DPYD: variants seen among roughly 807,000 people sequenced by gnomAD.
DPYD encodes dihydropyrimidine dehydrogenase [NADP(+)].
In DPYD, 109 loss-of-function variants were observed where a neutral mutation model predicts 116.2. The ratio of observed to expected loss-of-function variants is 0.94; its 90% confidence interval spans 0.80 to 1.10. The LOEUF (loss-of-function observed/expected upper bound fraction) is 1.10. DPYD is among the 50% of genes least tolerant of loss of function. DPYD has a pLI of 0.00. For missense variants in DPYD, 1,302 were observed against 1,254.5 expected, an observed-to-expected ratio of 1.04 and a Z score of -0.57; for synonymous variants, 440 against 432.0, an observed-to-expected ratio of 1.02 and a Z score of -0.23.
chr1:97,225,668 G>T (rs1661106815), intron 19 of DPYD, among the ~76,000 whole-genome samples: 1 of 150,306 alleles, frequency 6.7e-6, no homozygotes, highest in South Asian at 2.1e-4. Flanking sequence ...TCCATAGGAA[G>T]TCTTTTCATC....
intron 13 of DPYD, among the ~76,000 whole-genome samples, chr1:97,454,951 T>A (rs2101806262): frequency 6.6e-6 from 1 of 152,016 alleles, no homozygotes; most frequent in South Asian, 2.1e-4. Context: ...AGTGGATGAA[T>A]TTTATAAACA....
intron 8 of DPYD, among the ~76,000 whole-genome samples, chr1:97,648,989 T>C (rs1242653905): frequency 6.6e-6 from 1 of 152,004 alleles, no homozygotes; most frequent in African/African-American, 2.4e-5. Flanking sequence ...ACCCAGATCT[T>C]AATTTTGTTT....
At chr1:97,403,469 TGTTA>T (rs1224974871) in intron 14 of DPYD, among the ~76,000 whole-genome samples, 1 of 152,058 alleles carries the variant, frequency 6.6e-6, no homozygotes, top group Admixed American at 6.6e-5. Flanking sequence ...TTTGGAAGGT[TGTTA>T]ATTATTGATT....
chr1:97,121,095 T>C (rs1652395963), intron 20 of DPYD, among the ~76,000 whole-genome samples: 1 of 152,154 alleles, frequency 6.6e-6, no homozygotes, highest in Non-Finnish European at 1.5e-5. Flanking sequence ...CTTAATTTAC[T>C]CTGGGAATGA....
At position 97,767,755 on chromosome 1, in the gene DPYD, C is replaced by CTTTT. The variant is rs34390188; in HGVS notation, c.234-27280_234-27277dup. On this transcript the variant is annotated intron_variant, in intron 3 of 22. Coordinates refer to ENST00000370192, the MANE Select transcript of DPYD (RefSeq NM_000110.4). ...TTGAAGCCACTGAGTTTGGGGCTGG[C>CTTTT]TTTTTTTTTTTTTTTTTTTTGCAGC... 2.4e-3 allele frequency among the ~76,000 whole-genome samples: 270 copies of CTTTT among 112,428 alleles called. 1 individual carries two copies. Among genetic ancestry groups the CTTTT allele is most frequent in the Admixed American group, 2.9e-3 (30 of 10,420 alleles). The allele number at this position is 112,428 out of a possible 152,430, so 73.8% of individuals were successfully genotyped here. A position where few individuals can be genotyped will look rare whatever the true frequency, so the allele number is the denominator to read the frequency against.
At chr1:97,821,919 A>G (rs564672308) in intron 3 of DPYD, among the ~76,000 whole-genome samples, 12 of 152,134 alleles carry the variant, frequency 7.9e-5, no homozygotes, top group Non-Finnish European at 1.5e-4. Context: ...TTTAAATCCC[A>G]TTTTACAAAA....
At chr1:97,736,183 C>T (rs1663930818) in intron 4 of DPYD, among the ~76,000 whole-genome samples, 1 of 151,812 alleles carries the variant, frequency 6.6e-6, no homozygotes, top group Admixed American at 6.6e-5. Flanking sequence ...AACAGCACCC[C>T]AAAGGCATAT....
intron 13 of DPYD, among the ~76,000 whole-genome samples, chr1:97,495,473 A>G (rs938251509): frequency 6.6e-6 from 1 of 152,130 alleles, no homozygotes; most frequent in African/African-American, 2.4e-5. Flanking sequence ...TGTGAACTCA[A>G]TGTTTTAATA....
chr1:97,624,793 A>T (rs570396947), intron 8 of DPYD, among the ~76,000 whole-genome samples: 1 of 152,142 alleles, frequency 6.6e-6, no homozygotes, highest in African/African-American at 2.4e-5. Flanking sequence ...AAAAAAGGGA[A>T]ATTTTATTAT....
At chr1:97,096,697 C>T (rs1476096512) in intron 21 of DPYD, among the ~76,000 whole-genome samples, 1 of 152,006 alleles carries the variant, frequency 6.6e-6, no homozygotes, top group African/African-American at 2.4e-5. Flanking sequence ...TAAAAGTAGC[C>T]AATCACAGGG....
At chr1:97,169,920 C>A (rs1264339949) in intron 20 of DPYD, among the ~76,000 whole-genome samples, 2 of 152,100 alleles carry the variant, frequency 1.3e-5, no homozygotes, top group African/African-American at 2.4e-5. Flanking sequence ...TCTCACTTCA[C>A]CCCAACCATG....
intron 5 of DPYD, among the ~76,000 whole-genome samples, chr1:97,700,669 A>G (rs1162015857): frequency 1.3e-5 from 2 of 152,162 alleles, no homozygotes; most frequent in East Asian, 3.9e-4. Context: ...TTTATTTTTA[A>G]AAGTCCAAGC....
chr1:97,831,096 C>T (rs1435806669), intron 2 of DPYD, among the ~76,000 whole-genome samples: 1 of 152,092 alleles, frequency 6.6e-6, no homozygotes, highest in African/African-American at 2.4e-5. Flanking sequence ...TAACTATTAC[C>T]TTGACTAAAA....
chr1:97,228,781 G>A (rs1661366262), intron 19 of DPYD, among the ~76,000 whole-genome samples: 2 of 152,090 alleles, frequency 1.3e-5, no homozygotes, highest in Admixed American at 1.3e-4. Context: ...TAAAACCAGA[G>A]AACAGAATTC....
intron 14 of DPYD, among the ~76,000 whole-genome samples, chr1:97,448,698 T>G (rs1676227353): frequency 1.3e-5 from 2 of 151,642 alleles, no homozygotes; most frequent in Admixed American, 6.6e-5. Flanking sequence ...TAGCTCAGCA[T>G]AATTCTCATA....
intron 16 of DPYD, among the ~76,000 whole-genome samples, chr1:97,344,519 TATATA>T (rs1570564644): frequency 6.6e-6 from 1 of 151,924 alleles, no homozygotes; most frequent in Admixed American, 6.6e-5. Flanking sequence ...TGTACATCTT[TATATA>T]ATACATGTAT....
chr1:97,434,181 C>G (rs1675332911), intron 14 of DPYD, among the ~76,000 whole-genome samples: 1 of 152,052 alleles, frequency 6.6e-6, no homozygotes, highest in Non-Finnish European at 1.5e-5. Context: ...GGTTACTTCC[C>G]TAAATTTTGC....
At chr1:97,333,268 T>C (rs1669113185) in intron 16 of DPYD, among the ~76,000 whole-genome samples, 1 of 151,830 alleles carries the variant, frequency 6.6e-6, no homozygotes, top group Non-Finnish European at 1.5e-5. Flanking sequence ...CTAGATCTAC[T>C]GTCCAGAGTA....
intron 14 of DPYD, among the ~76,000 whole-genome samples, chr1:97,430,949 CAGAT>C (rs1380884454): frequency 6.6e-6 from 1 of 151,768 alleles, no homozygotes; most frequent in Non-Finnish European, 1.5e-5. Context: ...AAAAAAATAA[CAGAT>C]AGCAGAACAG....
Sources: gnomAD v4.1 joint callset for allele counts (sites outside exome capture counted in the v4.1 genomes callset) on GRCh38, gnomAD v4.1.1 for gene constraint, MANE v1.5 for transcripts, NCBI Gene and HGNC (gene_info 2026-07-23, HGNC 2026-07-21) for gene names.